The following EFCAB5 variants were observed in gnomAD, a reference collection of about 807,000 sequenced individuals.
EFCAB5 encodes EF-hand calcium-binding domain-containing protein 5.
A neutral mutation model predicts 167.9 loss-of-function variants in EFCAB5; 131 were observed. The observed-to-expected ratio is 0.78, with a 90% CI of 0.68 to 0.90. The LOEUF (loss-of-function observed/expected upper bound fraction) is 0.90, where lower values mean the gene tolerates loss of function less well. Ranked by LOEUF, EFCAB5 falls within the 40% of genes least tolerant of loss-of-function variation. EFCAB5 has a pLI of 0.00. For synonymous variants in EFCAB5, 574 were observed against 602.8 expected (o/e 0.95, Z 0.70); for missense variants, 1,663 against 1,745.2 (o/e 0.95, Z 0.84).
intron 20 of EFCAB5, among the ~76,000 whole-genome samples, chr17:30,091,642 T>C (rs1267850803): frequency 6.6e-6 from 1 of 152,172 alleles, no homozygotes; most frequent in East Asian, 1.9e-4. Context: ...AACCCAAGTT[T>C]TTGCCTTTTC....
intron 4 of EFCAB5, among the ~76,000 whole-genome samples, chr17:29,981,892 A>T (rs1187749866): frequency 6.6e-6 from 1 of 152,146 alleles, no homozygotes; most frequent in Non-Finnish European, 1.5e-5. Context: ...AATGTTCTTT[A>T]TCATTTTATA....
intron 22 of EFCAB5, among the ~76,000 whole-genome samples, chr17:30,101,667 G>C (rs2071384590): frequency 6.6e-6 from 1 of 152,212 alleles, no homozygotes; most frequent in Non-Finnish European, 1.5e-5. Context: ...TCCTAGGTGG[G>C]AAGACTGAGT....
intron 4 of EFCAB5, among the ~76,000 whole-genome samples, chr17:29,989,259 C>T (rs1483983086): frequency 6.6e-6 from 1 of 152,144 alleles, no homozygotes; most frequent in East Asian, 1.9e-4. Flanking sequence ...TCGAGTTTTG[C>T]AAGTGATCAT....
At chr17:30,012,512 C>A (rs113814631) in intron 7 of EFCAB5, among the ~76,000 whole-genome samples, 8 of 152,158 alleles carry the variant, frequency 5.3e-5, no homozygotes, top group African/African-American at 1.9e-4. Context: ...CAGGGAAGGG[C>A]CCCCTGTCCA....
intron 7 of EFCAB5, among the ~76,000 whole-genome samples, chr17:30,008,817 A>C (rs567295268): frequency 6.6e-6 from 1 of 152,318 alleles, no homozygotes; most frequent in African/African-American, 2.4e-5. Context: ...GTAGCAAATT[A>C]CTGCAAACTT....
chr17:30,042,331 C>G (rs2069796622), intron 8 of EFCAB5, among the ~76,000 whole-genome samples: 1 of 152,072 alleles, frequency 6.6e-6, no homozygotes, highest in African/African-American at 2.4e-5. Flanking sequence ...TTTATATGCA[C>G]TAACAAACCA....
Position 30,099,907 on chromosome 17 carries a change from T to C in EFCAB5, c.4321+6971T>C, listed in dbSNP as rs143257984. Among the ~76,000 whole-genome samples, 414 of 152,242 alleles carry C rather than the reference T, an allele frequency of 2.7e-3. 5 individuals carry two copies. Among genetic ancestry groups the C allele is most frequent in the Middle Eastern group, 0.014 (4 of 294 alleles). ...CTCACCTTTACACAAAGGTGACCTA[T>C]AAGGCTGGTGGTGGCCCTGCCCTCT... On this transcript the variant is annotated intron_variant, in intron 22 of 22. Coordinates refer to ENST00000394835, the MANE Select transcript of EFCAB5 (RefSeq NM_198529.4).
intron 14 of EFCAB5, among the ~76,000 whole-genome samples, chr17:30,061,294 C>G (rs533316197): frequency 7.2e-5 from 11 of 152,182 alleles, no homozygotes; most frequent in African/African-American, 2.6e-4. Context: ...GAGCTGATGG[C>G]AGTATGGAAG....
rs368289417 is a variant in EFCAB5 at position 30,102,962 on chromosome 17, C to T, written c.4322-4872C>T. ...TTCTCCCTCCTCCCACCTGAGCCTC[C>T]CTAGTAGCTGACACTAGAGGCCCAC... On this transcript the variant is annotated intron_variant, in intron 22 of 22. Transcript: ENST00000394835. Among the ~76,000 whole-genome samples the T allele has an allele frequency of 1.6e-4, 25 of 152,018 alleles. No individual in the cohort carries two copies. In the East Asian group the frequency reaches 3.7e-3, roughly 22 times the overall value.
At chr17:29,983,016 A>G (rs1223738802) in intron 4 of EFCAB5, among the ~76,000 whole-genome samples, 1 of 152,260 alleles carries the variant, frequency 6.6e-6, no homozygotes, top group East Asian at 1.9e-4. Flanking sequence ...GCATAACAAA[A>G]TACTCCAAAA....
At chr17:30,015,181 T>C (rs573848481) in intron 7 of EFCAB5, among the ~76,000 whole-genome samples, 9 of 152,342 alleles carry the variant, frequency 5.9e-5, no homozygotes, top group Non-Finnish European at 1.0e-4. Flanking sequence ...GTTAGTATGA[T>C]GGGCTTCCCT....
At chr17:30,086,413 A>G (rs977954743) in intron 18 of EFCAB5, among the ~76,000 whole-genome samples, 7 of 152,166 alleles carry the variant, frequency 4.6e-5, no homozygotes, top group African/African-American at 7.2e-5. Flanking sequence ...AGTGAGGTAG[A>G]AGGAGAACCA....
Position 30,087,074 on chromosome 17 carries a change from T to C in EFCAB5, c.3591T>C (p.Tyr1197=), listed in dbSNP as rs1400471583. Residue 1197 remains tyrosine, a synonymous_variant, in exon 19 of 23, where the codon TAT becomes TAC. Transcript: ENST00000394835. The stretch of plus-strand genomic sequence containing the variant: ...TTCCTCTTTTCAAGGATTCAGACTA[T>C]GTTTTACGCAACATGATGGTTACAG... The part of the protein sequence containing the change: ...VEPSPAQDSD[Y]VLRNMMVTGQ... The C allele has an allele frequency of 6.2e-7, 1 of 1,613,438 alleles. No homozygotes were observed. Among genetic ancestry groups the C allele is most frequent in the Non-Finnish European group, 8.5e-7 (1 of 1,179,542 alleles).
intron 4 of EFCAB5, among the ~76,000 whole-genome samples, chr17:29,989,655 T>C (rs1029048078): frequency 2.0e-5 from 3 of 151,432 alleles, no homozygotes; most frequent in African/African-American, 7.4e-5. Flanking sequence ...TCAGTTAACA[T>C]TCTCTATTTA....
At chr17:30,030,238 A>G (rs1397262376) in intron 7 of EFCAB5, among the ~76,000 whole-genome samples, 1 of 152,348 alleles carries the variant, frequency 6.6e-6, no homozygotes, top group East Asian at 1.9e-4. Flanking sequence ...AGAATATGCT[A>G]ACTCAGAAAA....
In EFCAB5 at chr17:30,053,417, C is replaced by G. The variant is rs1217263324; in HGVS notation, c.1463C>G (p.Pro488Arg). ...SKTQSKLLES[P>R]DQPKLNEQRT... ...ACCCAAAGTAAATTATTAGAAAGTCCAGATCAACCTAAACTTAACGAACAG... is the reference window on the plus strand; with the variant it reads ...ACCCAAAGTAAATTATTAGAAAGTCGAGATCAACCTAAACTTAACGAACAG... The change falls in exon 10 of 23, where the codon CCA becomes CGA. Residue 488 changes from proline to arginine, a missense_variant. Coordinates refer to ENST00000394835, the MANE Select transcript of EFCAB5 (RefSeq NM_198529.4). 1.2e-6 allele frequency: 2 copies of G among 1,613,892 alleles called. No individual in the cohort carries two copies. Among genetic ancestry groups the G allele is most frequent in the Non-Finnish European group, 1.7e-6 (2 of 1,179,874 alleles).
intron 7 of EFCAB5, among the ~76,000 whole-genome samples, chr17:30,011,399 A>G (rs1158470606): frequency 2.6e-5 from 4 of 152,286 alleles, no homozygotes; most frequent in Admixed American, 6.5e-5. Context: ...CTTGGGCAGT[A>G]TGGCCATTTT....
intron 7 of EFCAB5, among the ~76,000 whole-genome samples, chr17:30,020,626 A>G (rs1296121619): frequency 6.6e-6 from 1 of 152,122 alleles, no homozygotes; most frequent in Non-Finnish European, 1.5e-5. Context: ...AAGTGATGGG[A>G]TTACAGGTGT....
intron 4 of EFCAB5, among the ~76,000 whole-genome samples, chr17:29,988,472 G>T (rs944858270): frequency 6.6e-6 from 1 of 152,110 alleles, no homozygotes; most frequent in African/African-American, 2.4e-5. Flanking sequence ...TTTACCCTTC[G>T]AGCCAGAATA....
Sources: allele counts gnomAD v4.1 joint callset (sites outside exome capture counted in the v4.1 genomes callset), GRCh38; gene constraint gnomAD v4.1.1; transcripts MANE v1.5; gene names NCBI Gene and HGNC (gene_info 2026-07-23, HGNC 2026-07-21).